FHIT: variants seen among roughly 807,000 people sequenced by gnomAD.
FHIT encodes the protein bis(5'-adenosyl)-triphosphatase.
Under a neutral mutation model 17.9 loss-of-function variants are expected in FHIT, and 19 were observed. That is an observed-to-expected ratio of 1.06 (90% CI 0.74 to 1.56). The LOEUF is 1.56. FHIT is among the 40% of genes most tolerant of loss of function. The pLI, the probability that FHIT is intolerant of heterozygous loss-of-function variation, is 0.00. For missense variants in FHIT, 248 were observed against 189.2 expected (o/e 1.31, Z -1.82); for synonymous variants, 81 against 69.7 (o/e 1.16, Z -0.81).
chr3:60,013,834 T>C (rs1419947881), intron 6 of FHIT, among the ~76,000 whole-genome samples, 173 bp downstream of exon 6: 3 of 152,154 alleles, frequency 2.0e-5, no homozygotes, highest in Non-Finnish European at 2.9e-5. Flanking sequence ...CCACGGTCCA[T>C]CTTGGGGCCA....
In FHIT at chr3:61,046,915, A is replaced by G. The variant is rs187589628; in HGVS notation, c.-163-4816T>C. Among the ~76,000 whole-genome samples the G allele has an allele frequency of 3.3e-5, 5 of 152,356 alleles. No individual in the cohort carries two copies. The East Asian group carries it at 9.6e-4, about 29-fold the overall frequency. ...ACCACATGATTATCTGACTAGACGC[A>G]GAAAAAGCCTTCGAAAAAATTTGAC... On this transcript the variant is annotated intron_variant, in intron 2 of 9. Coordinates refer to ENST00000492590, the MANE Select transcript of FHIT (RefSeq NM_002012.4).
At chr3:60,488,199 G>A (rs1177652700) in intron 5 of FHIT, among the ~76,000 whole-genome samples, 4 of 152,112 alleles carry the variant, frequency 2.6e-5, no homozygotes, top group Admixed American at 2.6e-4. Flanking sequence ...ACAATCACTC[G>A]ACTCCTGTGA....
chr3:61,128,597 T>C (rs982337429), intron 2 of FHIT, among the ~76,000 whole-genome samples: 1 of 152,160 alleles, frequency 6.6e-6, no homozygotes, highest in Admixed American at 6.5e-5. Context: ...GTTCTCTTTG[T>C]GTGCCAAAGA....
At chr3:60,652,056 A>G (rs761002764) in intron 4 of FHIT, among the ~76,000 whole-genome samples, 95 of 152,338 alleles carry the variant, frequency 6.2e-4, no homozygotes, top group Non-Finnish European at 1.2e-3. Flanking sequence ...CAGCCTAAAA[A>G]GGGATTGCGG....
chr3:60,317,927 A>G (rs914176259), intron 5 of FHIT, among the ~76,000 whole-genome samples: 1 of 151,766 alleles, frequency 6.6e-6, no homozygotes, highest in Non-Finnish European at 1.5e-5. Flanking sequence ...AGTAGCTGGG[A>G]CTACAGGTGC....
chr3:60,249,689 G>GACACACACACACACAAACAC (rs1553723141), intron 5 of FHIT, among the ~76,000 whole-genome samples: 1 of 137,318 alleles, frequency 7.3e-6, no homozygotes, highest in Non-Finnish European at 1.5e-5. Context: ...ATACAGCCAA[G>GACACACACACACACAAACAC]ACACACACAC....
intron 3 of FHIT, among the ~76,000 whole-genome samples, chr3:60,880,399 A>C (rs1411830835): frequency 6.6e-6 from 1 of 152,246 alleles, no homozygotes; most frequent in Non-Finnish European, 1.5e-5. Context: ...GGAAGCAAAA[A>C]ATGATTATCA....
intron 2 of FHIT, among the ~76,000 whole-genome samples, chr3:61,116,060 T>C (rs765851999): frequency 3.9e-5 from 6 of 152,078 alleles, no homozygotes; most frequent in Non-Finnish European, 8.8e-5. Context: ...AGGAAAATCC[T>C]GGAATTTTCT....
chr3:59,910,046 G>C (rs966917158), intron 8 of FHIT, among the ~76,000 whole-genome samples: 3 of 152,098 alleles, frequency 2.0e-5, no homozygotes, highest in Admixed American at 2.0e-4. Flanking sequence ...AATTTAGAAA[G>C]CTTATTTTGC....
At chr3:60,542,333 T>A (rs1479847970) in intron 4 of FHIT, among the ~76,000 whole-genome samples, 2 of 152,196 alleles carry the variant, frequency 1.3e-5, no homozygotes, top group African/African-American at 4.8e-5. Context: ...TATCTTAGCA[T>A]CCCATTGTTG....
intron 8 of FHIT, among the ~76,000 whole-genome samples, chr3:59,776,212 G>C (rs893765586): frequency 1.3e-5 from 2 of 152,220 alleles, no homozygotes; most frequent in Non-Finnish European, 2.9e-5. Context: ...ACTCAGGCCA[G>C]AGTCCCATAG....
At chr3:60,155,003 C>A (rs1305517577) in intron 5 of FHIT, among the ~76,000 whole-genome samples, 1 of 151,758 alleles carries the variant, frequency 6.6e-6, no homozygotes, top group African/African-American at 2.4e-5. Context: ...AGTTTGAGAC[C>A]ACTCTGGGCA....
chr3:60,243,955 A>G (rs1043266623), intron 5 of FHIT, among the ~76,000 whole-genome samples: 1 of 152,128 alleles, frequency 6.6e-6, no homozygotes, highest in Non-Finnish European at 1.5e-5. Context: ...TGACGTTACC[A>G]TCATGTACAC....
At chr3:60,281,321 G>A (rs1346749053) in intron 5 of FHIT, among the ~76,000 whole-genome samples, 3 of 152,094 alleles carry the variant, frequency 2.0e-5, no homozygotes, top group Non-Finnish European at 4.4e-5. Context: ...GTTATTCTGT[G>A]AATATCAAAA....
intron 7 of FHIT, among the ~76,000 whole-genome samples, chr3:59,953,907 G>C (rs1346799174): frequency 2.0e-5 from 3 of 152,218 alleles, no homozygotes; most frequent in South Asian, 2.1e-4. Context: ...GTGTGAGTCA[G>C]TTTGAGTGTG....
chr3:60,142,500 T>C (rs1391335980), intron 5 of FHIT, among the ~76,000 whole-genome samples: 1 of 152,062 alleles, frequency 6.6e-6, no homozygotes, highest in Non-Finnish European at 1.5e-5. Flanking sequence ...TAATTTTTTG[T>C]TGTTGTTATT....
At chr3:60,304,231 G>A (rs1268598117) in intron 5 of FHIT, among the ~76,000 whole-genome samples, 1 of 152,052 alleles carries the variant, frequency 6.6e-6, no homozygotes, top group Non-Finnish European at 1.5e-5. Flanking sequence ...ACATTTTTAA[G>A]TATTTCAGTC....
At chr3:60,616,522 T>C (rs782161170) in intron 4 of FHIT, among the ~76,000 whole-genome samples, 7 of 152,194 alleles carry the variant, frequency 4.6e-5, no homozygotes, top group Admixed American at 6.5e-5. Flanking sequence ...ACAAAGTCAA[T>C]TGTCTTCTTA....
At chr3:60,702,587 A>G (rs562900452) in intron 4 of FHIT, among the ~76,000 whole-genome samples, 1 of 152,086 alleles carries the variant, frequency 6.6e-6, no homozygotes, top group East Asian at 1.9e-4. Context: ...ATTTTTATAT[A>G]TTTATTTTGT....
Sources: gnomAD v4.1 joint callset for allele counts (sites outside exome capture counted in the v4.1 genomes callset) on GRCh38, gnomAD v4.1.1 for gene constraint, MANE v1.5 for transcripts, NCBI Gene and HGNC (gene_info 2026-07-23, HGNC 2026-07-21) for gene names.